Variants in DPP10 observed in about 807,000 individuals in gnomAD.
DPP10 encodes the protein inactive dipeptidyl peptidase 10.
DPP10 carries 33 observed loss-of-function variants against 120.9 expected under a neutral mutation model. The ratio of observed to expected loss-of-function variants is 0.27; its 90% CI spans 0.21 to 0.37. The LOEUF (loss-of-function observed/expected upper bound fraction) is 0.37. DPP10 is among the 10% of genes least tolerant of loss of function. DPP10 has a pLI of 1.00. For synonymous variants in DPP10, 337 were observed against 326.1 expected (o/e 1.03, Z -0.36); for missense variants, 816 against 942.8 (o/e 0.87, Z 1.76).
rs559671752 is a variant in DPP10 at position 114,770,078 on chromosome 2, T to TTTG, written c.60+327255_60+327257dup. Among the ~76,000 whole-genome samples the TTTG allele has an allele frequency of 2.8e-4, 43 of 152,208 alleles. 1 individual carries two copies. In the South Asian group the frequency reaches 6.2e-3, roughly 22 times the overall value. ...GCAGGATGGTTTTAAAAGATGCCAT[T>TTTG]TTGTTGTTGTTGTTGTTAGCAAGCT... On this transcript the variant is annotated intron_variant, in intron 1 of 25. Coordinates refer to ENST00000410059, the MANE Select transcript of DPP10 (RefSeq NM_020868.6).
At chr2:115,340,216 CAT>C (rs1439557863) in intron 2 of DPP10, among the ~76,000 whole-genome samples, 1 of 151,952 alleles carries the variant, frequency 6.6e-6, no homozygotes, top group Non-Finnish European at 1.5e-5. Context: ...AATAAAAACT[CAT>C]AATTGAAATG....
intron 3 of DPP10, among the ~76,000 whole-genome samples, chr2:115,490,589 T>C (rs541345238): frequency 6.6e-6 from 1 of 152,332 alleles, no homozygotes; most frequent in East Asian, 1.9e-4. Flanking sequence ...CTTAAGAATG[T>C]TCCCTGGGCC....
At chr2:114,491,350 G>A (rs1467661229) in intron 1 of DPP10, among the ~76,000 whole-genome samples, 1 of 152,004 alleles carries the variant, frequency 6.6e-6, no homozygotes, top group Non-Finnish European at 1.5e-5. Context: ...CCAAAGTGTG[G>A]GTATCTTGTA....
chr2:115,441,068 T>C (rs1259735112), intron 3 of DPP10: 1 of 152,014 alleles, frequency 6.6e-6, no homozygotes, highest in Non-Finnish European at 1.5e-5. Context: ...GGCTAGGTGA[T>C]TAAAGAGACA....
chr2:114,738,571 C>A (rs11886881), intron 1 of DPP10, among the ~76,000 whole-genome samples: 1 of 152,072 alleles, frequency 6.6e-6, no homozygotes, highest in African/African-American at 2.4e-5. Context: ...TGAGGAGCAC[C>A]GGCCTGTGTG....
At chr2:115,410,425 C>A (rs1448816397) in intron 3 of DPP10, among the ~76,000 whole-genome samples, 2 of 151,984 alleles carry the variant, frequency 1.3e-5, no homozygotes, top group Non-Finnish European at 2.9e-5. Flanking sequence ...GGGAGCTGAA[C>A]GATAAGAACA....
At chr2:115,802,215 T>C (rs1054970893) in intron 19 of DPP10, among the ~76,000 whole-genome samples, 1 of 152,238 alleles carries the variant, frequency 6.6e-6, no homozygotes. Flanking sequence ...TCTATTTTAT[T>C]TGCATAGAGG....
At chr2:115,259,319 T>G (rs1212456675) in intron 1 of DPP10, among the ~76,000 whole-genome samples, 1 of 151,894 alleles carries the variant, frequency 6.6e-6, no homozygotes, top group Non-Finnish European at 1.5e-5. Flanking sequence ...CCATCTCTAC[T>G]AAAAATGCAA....
intron 1 of DPP10, among the ~76,000 whole-genome samples, chr2:114,626,678 A>G (rs1694540226): frequency 6.6e-6 from 1 of 152,106 alleles, no homozygotes; most frequent in African/African-American, 2.4e-5. Flanking sequence ...TAGCAATGTG[A>G]AAACACTTCA....
At chr2:115,713,136 A>C (rs2092384785) in intron 7 of DPP10, among the ~76,000 whole-genome samples, 1 of 152,110 alleles carries the variant, frequency 6.6e-6, no homozygotes, top group Non-Finnish European at 1.5e-5. Flanking sequence ...TGATGTAAAA[A>C]AAATTAAAAA....
chr2:115,771,368 C>G (rs1449618198), intron 13 of DPP10, among the ~76,000 whole-genome samples: 1 of 152,064 alleles, frequency 6.6e-6, no homozygotes, highest in Non-Finnish European at 1.5e-5. Context: ...GCCACCACGC[C>G]CGGCCTGTAC....
At chr2:115,622,935 C>T (rs962763362) in intron 5 of DPP10, among the ~76,000 whole-genome samples, 15 of 151,624 alleles carry the variant, frequency 9.9e-5, no homozygotes, top group African/African-American at 2.4e-4. Flanking sequence ...CTCTGCCTCC[C>T]GGGTTCATGC....
At chr2:115,694,889 T>G (rs2091500501) in intron 7 of DPP10, among the ~76,000 whole-genome samples, 1 of 152,170 alleles carries the variant, frequency 6.6e-6, no homozygotes, top group African/African-American at 2.4e-5. Flanking sequence ...GGAACCAGGA[T>G]GGACAATGAG....
intron 1 of DPP10, among the ~76,000 whole-genome samples, chr2:114,997,354 T>C (rs984902410): frequency 6.8e-6 from 1 of 146,868 alleles, no homozygotes; most frequent in Admixed American, 6.8e-5. Flanking sequence ...TAGCTGATCA[T>C]GGTGGCATGC....
intron 1 of DPP10, among the ~76,000 whole-genome samples, chr2:114,882,139 A>G (rs1018209562): frequency 3.9e-5 from 6 of 152,102 alleles, no homozygotes; most frequent in South Asian, 2.1e-4. Context: ...ATGCCATTTG[A>G]TCTAGCAATC....
At chr2:114,908,660 A>G (rs966768706) in intron 1 of DPP10, among the ~76,000 whole-genome samples, 10 of 151,846 alleles carry the variant, frequency 6.6e-5, no homozygotes, top group African/African-American at 2.4e-4. Context: ...GGCAAGATGG[A>G]CAAACATTTC....
intron 5 of DPP10, among the ~76,000 whole-genome samples, chr2:115,570,961 G>A (rs528656156): frequency 6.6e-6 from 1 of 152,250 alleles, no homozygotes; most frequent in Admixed American, 6.5e-5. Context: ...ACCACAGGAC[G>A]GAGAGGGGAG....
At chr2:115,453,924 C>A (rs1219062308) in intron 3 of DPP10, among the ~76,000 whole-genome samples, 4 of 150,962 alleles carry the variant, frequency 2.6e-5, no homozygotes, top group African/African-American at 9.7e-5. Flanking sequence ...ATCATTAGGA[C>A]CCTAAAGACA....
intron 1 of DPP10, among the ~76,000 whole-genome samples, chr2:115,248,519 C>T (rs1371207247): frequency 6.6e-6 from 1 of 151,972 alleles, no homozygotes; most frequent in Non-Finnish European, 1.5e-5. Flanking sequence ...ATTGGAGTAA[C>T]CTGCTGCTAC....
Sources: allele counts gnomAD v4.1 joint callset (sites outside exome capture counted in the v4.1 genomes callset), GRCh38; gene constraint gnomAD v4.1.1; transcripts MANE v1.5; gene names NCBI Gene and HGNC (gene_info 2026-07-23, HGNC 2026-07-21).